Variants in CMTM7 observed in about 807,000 individuals in gnomAD.
CMTM7 encodes CKLF-like MARVEL transmembrane domain-containing protein 7.
Under a neutral mutation model 19.3 loss-of-function variants are expected in CMTM7, and 7 were observed. That is an observed-to-expected ratio of 0.36 (90% CI 0.21 to 0.68). The LOEUF is 0.68. Among genes scored for constraint, CMTM7 ranks in the 30% least tolerant of loss-of-function variants. The pLI is 0.60. For missense variants in CMTM7, 193 were observed against 232.6 expected (o/e 0.83, Z 1.11); for synonymous variants, 87 against 99.3 (o/e 0.88, Z 0.74).
intron 1 of CMTM7, among the ~76,000 whole-genome samples, chr3:32,397,270 G>A (rs1194856709): frequency 2.0e-5 from 3 of 152,144 alleles, no homozygotes; most frequent in African/African-American, 7.2e-5. Context: ...CGATCAGCTT[G>A]TGACAAGCTA....
At chr3:32,396,047 C>T (rs1388890921) in intron 1 of CMTM7, among the ~76,000 whole-genome samples, 2 of 152,110 alleles carry the variant, frequency 1.3e-5, no homozygotes, top group East Asian at 1.9e-4. Flanking sequence ...CAAAAGACCA[C>T]ATTATATGAT....
At chr3:32,419,676 T>C (rs1402959011) in intron 1 of CMTM7, among the ~76,000 whole-genome samples, 2 of 152,256 alleles carry the variant, frequency 1.3e-5, no homozygotes, top group Non-Finnish European at 2.9e-5. Context: ...ATAAGGCATA[T>C]ACATTTGAAA....
At chr3:32,402,994 C>G (rs1035643616) in intron 1 of CMTM7, among the ~76,000 whole-genome samples, 11 of 152,170 alleles carry the variant, frequency 7.2e-5, no homozygotes, top group African/African-American at 2.4e-4. Context: ...ATTACTGTAT[C>G]GTGACTTCTG....
chr3:32,430,105 CT>C (rs1357572793), intron 1 of CMTM7, among the ~76,000 whole-genome samples: 1 of 151,210 alleles, frequency 6.6e-6, no homozygotes, highest in African/African-American at 2.4e-5. Context: ...AAGAGTCGTT[CT>C]TTTTAAGTGT....
chr3:32,444,284 A>G (rs73066793), intron 2 of CMTM7, among the ~76,000 whole-genome samples: 5,309 of 152,310 alleles, frequency 0.035, 124 homozygotes, highest in Middle Eastern at 0.058. Context: ...TAGATATCCA[A>G]TTATCCCAGC....
At chr3:32,429,850 C>G (rs1044015630) in intron 1 of CMTM7, among the ~76,000 whole-genome samples, 1 of 152,052 alleles carries the variant, frequency 6.6e-6, no homozygotes, top group Non-Finnish European at 1.5e-5. Context: ...CCACCCTCCT[C>G]GGCCTCCCAA....
At chr3:32,434,688 G>T (rs895976304) in intron 1 of CMTM7, among the ~76,000 whole-genome samples, 4 of 149,940 alleles carry the variant, frequency 2.7e-5, no homozygotes, top group African/African-American at 9.9e-5. Context: ...GCATAGATTT[G>T]ACTGTATAAA....
chr3:32,392,664 G>A (rs1422609468), intron 1 of CMTM7, among the ~76,000 whole-genome samples: 7 of 152,242 alleles, frequency 4.6e-5, no homozygotes, highest in African/African-American at 1.7e-4. Flanking sequence ...TTCCGAGGGA[G>A]GGCCCGGGTC....
intron 1 of CMTM7, among the ~76,000 whole-genome samples, chr3:32,396,233 C>T (rs768040297): frequency 5.9e-5 from 9 of 151,950 alleles, no homozygotes; most frequent in South Asian, 2.1e-4. Context: ...GTGCCAGGTG[C>T]GGTGGGTCAT....
chr3:32,441,091 A>G lies in CMTM7; in HGVS notation c.160-749A>G, dbSNP rs184012495. On this transcript the variant is annotated intron_variant, in intron 1 of 4. Transcript: ENST00000334983. ...TAAACAGGATTCCTGCATGGTTGAG[A>G]ACCCGTCCACCTTTCTCGGCTTGTT... 4.6e-5 allele frequency among the ~76,000 whole-genome samples: 7 copies of G among 152,310 alleles called. No individual in the cohort carries two copies. In the East Asian group the frequency reaches 1.4e-3, roughly 29 times the overall value.
chr3:32,415,216 T>A (rs11927859), intron 1 of CMTM7, among the ~76,000 whole-genome samples: 5,462 of 151,830 alleles, frequency 0.036, 326 homozygotes, highest in African/African-American at 0.13. Flanking sequence ...ATAATAATAA[T>A]AAACTTTGGC....
chr3:32,411,075 G>A (rs1696166836), intron 1 of CMTM7, among the ~76,000 whole-genome samples: 1 of 152,218 alleles, frequency 6.6e-6, no homozygotes, highest in Non-Finnish European at 1.5e-5. Flanking sequence ...TTTATTGAAT[G>A]GCTGCTCTGT....
At chr3:32,429,723 C>T (rs1696486712) in intron 1 of CMTM7, among the ~76,000 whole-genome samples, 1 of 151,752 alleles carries the variant, frequency 6.6e-6, no homozygotes, top group African/African-American at 2.4e-5. Flanking sequence ...GCCTCAGCCT[C>T]CCGAGTAGCT....
intron 3 of CMTM7, 61 bp from the exon 4 acceptor site, chr3:32,452,331 G>A (rs1696849940): frequency 1.9e-6 from 3 of 1,613,408 alleles, no homozygotes. Flanking sequence ...GAAGCAGACA[G>A]GATTGCCCGA....
chr3:32,440,846 G>A (rs938529784), intron 1 of CMTM7, among the ~76,000 whole-genome samples: 3 of 152,232 alleles, frequency 2.0e-5, no homozygotes, highest in Admixed American at 6.5e-5. Flanking sequence ...TGAATCCCGT[G>A]TGTTACTGGT....
At chr3:32,426,292 G>C (rs893309065) in intron 1 of CMTM7, among the ~76,000 whole-genome samples, 2 of 152,054 alleles carry the variant, frequency 1.3e-5, no homozygotes, top group Admixed American at 1.3e-4. Flanking sequence ...TCTCTCAGTG[G>C]TTATATTTTC....
At chr3:32,409,918 C>T (rs755440718) in intron 1 of CMTM7, among the ~76,000 whole-genome samples, 9 of 152,190 alleles carry the variant, frequency 5.9e-5, no homozygotes, top group Non-Finnish European at 1.3e-4. Context: ...GATGTCACCT[C>T]CTTGGGATAG....
chr3:32,434,071 C>T (rs1696560385), intron 1 of CMTM7, among the ~76,000 whole-genome samples: 2 of 151,890 alleles, frequency 1.3e-5, no homozygotes, highest in Non-Finnish European at 2.9e-5. Context: ...TGCCTGTAAT[C>T]CGAGCTACGT....
intron 1 of CMTM7, among the ~76,000 whole-genome samples, chr3:32,441,262 C>T (rs1013705639): frequency 2.6e-5 from 4 of 152,166 alleles, no homozygotes; most frequent in South Asian, 2.1e-4. Flanking sequence ...TGCATGCCTC[C>T]GTTTCCCCTT....
Sources: gnomAD v4.1 joint callset for allele counts (sites outside exome capture counted in the v4.1 genomes callset) on GRCh38, gnomAD v4.1.1 for gene constraint, MANE v1.5 for transcripts, NCBI Gene and HGNC (gene_info 2026-07-23, HGNC 2026-07-21) for gene names.